The following HEPH variants were observed in gnomAD, a reference collection of about 807,000 sequenced individuals.
HEPH encodes the protein hephaestin.
A neutral mutation model predicts 80.8 loss-of-function variants in HEPH; 69 were observed. The observed-to-expected ratio is 0.85, with a 90% confidence interval of 0.70 to 1.04. HEPH has a LOEUF of 1.04. Ranked by LOEUF, HEPH falls within the 50% of genes least tolerant of loss-of-function variation. The pLI, the probability that HEPH is intolerant of heterozygous loss-of-function variation, is 0.00. For synonymous variants in HEPH, 431 were observed against 322.8 expected, an observed-to-expected ratio of 1.34 and a Z score of -3.60; for missense variants, 1,115 against 891.3, an observed-to-expected ratio of 1.25 and a Z score of -3.20.
upstream of HEPH, chrX:66,162,789 C>A (rs1246656483): frequency 2.6e-6 from 3 of 1,155,436 alleles, no homozygotes; most frequent in Non-Finnish European, 3.4e-6. Flanking sequence ...GGACCCTGCT[C>A]CAGACACTTT....
At chrX:66,164,773 A>T (rs1468181721) in intron 1 of HEPH, among the ~76,000 whole-genome samples, 1 of 111,983 alleles carries the variant, frequency 8.9e-6, no homozygotes, top group Non-Finnish European at 1.9e-5. Context: ...CAGGTTGAGG[A>T]ATTTATTGAG....
chrX:66,228,528 A>T (rs1011324479), intron 15 of HEPH, among the ~76,000 whole-genome samples: 6 of 113,058 alleles, frequency 5.3e-5, no homozygotes, highest in African/African-American at 1.9e-4. Flanking sequence ...AAAGATAAAT[A>T]GATGGGACTT....
At chrX:66,166,257 G>A (rs892821292) in intron 1 of HEPH, among the ~76,000 whole-genome samples, 23 of 111,462 alleles carry the variant, frequency 2.1e-4, no homozygotes, top group Middle Eastern at 4.7e-3. Context: ...GCAATGGTGC[G>A]ATTTCGGCTC....
intron 15 of HEPH, among the ~76,000 whole-genome samples, chrX:66,219,444 G>A (rs778375943): frequency 2.7e-5 from 3 of 111,869 alleles, no homozygotes; most frequent in Non-Finnish European, 5.6e-5. Flanking sequence ...GCAAGTAGTC[G>A]AGAGCCAATC....
At chrX:66,187,652 C>T (rs186932002) in intron 4 of HEPH, among the ~76,000 whole-genome samples, 201 of 110,920 alleles carry the variant, frequency 1.8e-3, no homozygotes, top group African/African-American at 6.0e-3. Context: ...GGGTGTCTCC[C>T]GGGTCCTGCA....
At chrX:66,246,071 C>T (rs2090793370) in intron 15 of HEPH, among the ~76,000 whole-genome samples, 1 of 111,874 alleles carries the variant, frequency 8.9e-6, no homozygotes, top group African/African-American at 3.3e-5. Flanking sequence ...TGCCTGCCCA[C>T]AGAGTCCCAG....
chrX:66,250,671 G>A (rs1487306860), intron 15 of HEPH, among the ~76,000 whole-genome samples: 2 of 111,580 alleles, frequency 1.8e-5, no homozygotes, highest in Admixed American at 9.5e-5. Context: ...AATACAGTAT[G>A]CAATACTTCA....
intron 13 of HEPH, among the ~76,000 whole-genome samples, chrX:66,206,649 G>A (rs934873103): frequency 2.7e-5 from 3 of 109,546 alleles, no homozygotes; most frequent in Non-Finnish European, 5.7e-5. Context: ...TTACAGGTGT[G>A]AGCCACTGTG....
chrX:66,224,268 G>A (rs1458438676), intron 15 of HEPH, among the ~76,000 whole-genome samples: 1 of 110,966 alleles, frequency 9.0e-6, no homozygotes, highest in Non-Finnish European at 1.9e-5. Context: ...ATTATCCTTT[G>A]CTATTAATCA....
intron 15 of HEPH, among the ~76,000 whole-genome samples, chrX:66,214,945 A>G (rs1170792242): frequency 9.0e-6 from 1 of 111,277 alleles, no homozygotes; most frequent in Non-Finnish European, 1.9e-5. Flanking sequence ...TTTATTGAGG[A>G]TTTACTTAGG....
At chrX:66,258,563 A>G (rs1414647128) in intron 17 of HEPH, among the ~76,000 whole-genome samples, 1 of 111,800 alleles carries the variant, frequency 8.9e-6, no homozygotes, top group Admixed American at 9.5e-5. Flanking sequence ...GTAAGGATCC[A>G]TGGACTTGCT....
chrX:66,170,379 C>G, intron 1 of HEPH, 179 bp from the exon 2 acceptor site: 1 of 401,151 alleles, frequency 2.5e-6, no homozygotes. Flanking sequence ...CTTCAAAATC[C>G]AATCATTGAA....
At chrX:66,264,307 G>T (rs1233353014) in intron 20 of HEPH, among the ~76,000 whole-genome samples, 2 of 104,976 alleles carry the variant, frequency 1.9e-5, no homozygotes, top group Non-Finnish European at 3.9e-5. Context: ...ATTAAATCTA[G>T]GTCCTGCTGG....
chrX:66,231,606 G>T lies in HEPH; in HGVS notation c.2563+23360G>T, dbSNP rs1293957996. Among the ~76,000 whole-genome samples, 4 of 109,854 alleles carry T rather than the reference G, an allele frequency of 3.6e-5. No homozygotes were observed. The East Asian group carries it at 8.6e-4, about 24-fold the overall frequency. ...CTGTTGTTGGTGTATAAGAATGTTT[G>T]TGATTTTTGTACATTGATTTTGTAT... On this transcript the variant is annotated intron_variant, in intron 15 of 20. Coordinates refer to ENST00000343002, the MANE Select transcript of HEPH (RefSeq NM_001367233.3).
chrX:66,197,905 G>C lies in HEPH; in HGVS notation c.1713+11G>C. 8.5e-7 allele frequency: 1 copy of C among 1,178,545 alleles called. No individual in the cohort carries two copies. Among genetic ancestry groups the C allele is most frequent in the Non-Finnish European group, 1.1e-6 (1 of 876,349 alleles). ...GCAGATGGCAAGCAGGTATTGTCAG[G>C]GTTATCTGGCTGGAAAGCCTGCTGG... is the stretch of plus-strand genomic sequence containing the variant. On this transcript the variant is annotated intron_variant, in intron 10 of 20. Transcript: ENST00000343002.
intron 15 of HEPH, among the ~76,000 whole-genome samples, chrX:66,239,966 T>G (rs2090509187): frequency 9.0e-6 from 1 of 111,575 alleles, no homozygotes; most frequent in South Asian, 3.7e-4. Flanking sequence ...CAATGGCATA[T>G]AAATAGAATA....
intron 15 of HEPH, among the ~76,000 whole-genome samples, chrX:66,247,690 G>A (rs754841633): frequency 9.0e-6 from 1 of 111,494 alleles, no homozygotes; most frequent in Non-Finnish European, 1.9e-5. Flanking sequence ...AAAGTAAAAA[G>A]GAGTTGTGGG....
intron 15 of HEPH, among the ~76,000 whole-genome samples, chrX:66,242,904 A>G (rs2090657387): frequency 8.9e-6 from 1 of 112,067 alleles, no homozygotes; most frequent in Non-Finnish European, 1.9e-5. Flanking sequence ...ATGCTCATAC[A>G]CTGCTGGCAG....
At chrX:66,172,299 C>T in intron 2 of HEPH, 56 bp from the exon 3 acceptor site, 17 of 1,117,196 alleles carry the variant, frequency 1.5e-5, no homozygotes, top group Non-Finnish European at 1.9e-5. Context: ...GGAAAAGGAA[C>T]CTCTCAAGGC....
Sources: gnomAD v4.1 joint callset for allele counts (sites outside exome capture counted in the v4.1 genomes callset) on GRCh38, gnomAD v4.1.1 for gene constraint, MANE v1.5 for transcripts, NCBI Gene and HGNC (gene_info 2026-07-23, HGNC 2026-07-21) for gene names.